MAGI2: variants seen among roughly 807,000 people sequenced by gnomAD.
The protein encoded by MAGI2 is membrane-associated guanylate kinase, WW and PDZ domain-containing protein 2.
A neutral mutation model predicts 133.3 loss-of-function variants in MAGI2; 35 were observed. The observed-to-expected ratio is 0.26, with a 90% CI of 0.20 to 0.35. The LOEUF is 0.35. Ranked by LOEUF, MAGI2 falls within the 10% of genes least tolerant of loss-of-function variation. MAGI2 has a pLI of 1.00. For synonymous variants in MAGI2, 729 were observed against 710.6 expected, an observed-to-expected ratio of 1.03 and a Z score of -0.41; for missense variants, 1,636 against 1,863.4, an observed-to-expected ratio of 0.88 and a Z score of 2.25.
chr7:79,215,985 G>T lies in MAGI2; in HGVS notation c.302-208779C>A, dbSNP rs370395184. ...TGGGTAGAAGTGGGTAGCTCCCCAG[G>T]AACCCCAAGCCTGGAAACCCGCAGC... is the stretch of plus-strand genomic sequence containing the variant. On this transcript the variant is annotated intron_variant, in intron 1 of 21. Transcript: ENST00000354212. 9.9e-5 allele frequency among the ~76,000 whole-genome samples: 15 copies of T among 151,936 alleles called. No individual in the cohort carries two copies. The South Asian group carries it at 3.1e-3, about 31-fold the overall frequency.
intron 2 of MAGI2, among the ~76,000 whole-genome samples, chr7:78,941,474 C>G (rs1800964299): frequency 6.6e-6 from 1 of 152,064 alleles, no homozygotes; most frequent in Admixed American, 6.6e-5. Context: ...CTCAGCCTCT[C>G]GAGTAGCTGG....
At chr7:79,179,424 A>G (rs147981595) in intron 1 of MAGI2, among the ~76,000 whole-genome samples, 2 of 152,174 alleles carry the variant, frequency 1.3e-5, no homozygotes, top group Middle Eastern at 3.4e-3. Flanking sequence ...AGAAAAAACA[A>G]TCATACAATT....
At chr7:79,393,443 C>T (rs898298799) in intron 1 of MAGI2, among the ~76,000 whole-genome samples, 1 of 152,078 alleles carries the variant, frequency 6.6e-6, no homozygotes, top group African/African-American at 2.4e-5. Flanking sequence ...AATTAGAACT[C>T]TATAACATTT....
At chr7:79,188,162 T>C (rs1246440068) in intron 1 of MAGI2, among the ~76,000 whole-genome samples, 2 of 151,950 alleles carry the variant, frequency 1.3e-5, no homozygotes, top group African/African-American at 2.4e-5. Context: ...GATGTGCAGG[T>C]TTGTTACCTA....
At position 78,729,696 on chromosome 7, in the gene MAGI2, T is replaced by C. The variant is rs1251093947; in HGVS notation, c.419-102457A>G. The stretch of plus-strand genomic sequence containing the variant: ...AATTCTAGATAGATGCTTCATACTG[T>C]TTTGTCAGATGCCAGTAAGTGTTTG... On this transcript the variant is annotated intron_variant, in intron 2 of 21. Coordinates refer to ENST00000354212, the MANE Select transcript of MAGI2 (RefSeq NM_012301.4). Among the ~76,000 whole-genome samples, 3 of 152,326 alleles carry C rather than the reference T, an allele frequency of 2.0e-5. No homozygotes were observed. In the East Asian group the frequency reaches 5.8e-4, roughly 29 times the overall value.
chr7:78,400,480 G>A lies in MAGI2; in HGVS notation c.1046-31267C>T, dbSNP rs572731905. Among the ~76,000 whole-genome samples, 26 of 152,106 alleles carry A rather than the reference G, an allele frequency of 1.7e-4. 1 individual carries two copies. The highest frequency in any genetic ancestry group is 7.9e-4 in the Admixed American group (12 of 15,264). On this transcript the variant is annotated intron_variant, in intron 6 of 21. Coordinates refer to ENST00000354212, the MANE Select transcript of MAGI2 (RefSeq NM_012301.4). ...TGATTTTTAAATCATTTGTTATTGG[G>A]ACTTGGGAAATGAATGCAGTGAAAT...
At chr7:78,978,387 A>C (rs528841878) in intron 2 of MAGI2, among the ~76,000 whole-genome samples, 11 of 151,882 alleles carry the variant, frequency 7.2e-5, no homozygotes, top group Non-Finnish European at 1.3e-4. Flanking sequence ...TGAATTGTCA[A>C]CCCATTTTTC....
chr7:78,220,853 GA>G (rs1788753860), intron 10 of MAGI2, among the ~76,000 whole-genome samples: 1 of 152,138 alleles, frequency 6.6e-6, no homozygotes, highest in Non-Finnish European at 1.5e-5. Flanking sequence ...GCTGTGTTAG[GA>G]AAACAAACTT....
At chr7:78,225,095 T>C (rs1880446) in intron 10 of MAGI2, among the ~76,000 whole-genome samples, 124,289 of 152,106 alleles carry the variant, frequency 0.82, 52,558 homozygotes, top group Non-Finnish European at 0.91. Flanking sequence ...CCTGGAGTCT[T>C]TCTTTGGGAT....
chr7:79,227,528 CTCCTTA>C (rs1416342754), intron 1 of MAGI2, among the ~76,000 whole-genome samples: 4 of 152,140 alleles, frequency 2.6e-5, no homozygotes, highest in East Asian at 3.8e-4. Flanking sequence ...ATTTTCTTCA[CTCCTTA>C]TCCTTATCCT....
chr7:78,805,618 A>G (rs193225698), intron 2 of MAGI2, among the ~76,000 whole-genome samples: 234 of 152,302 alleles, frequency 1.5e-3, no homozygotes, highest in Non-Finnish European at 2.6e-3. Context: ...GTTCATTTGC[A>G]CACTGCATAT....
chr7:78,022,739 A>G lies in MAGI2; in HGVS notation c.3707-2763T>C, dbSNP rs1160077473. Among the ~76,000 whole-genome samples, 6 of 152,200 alleles carry G rather than the reference A, an allele frequency of 3.9e-5. No individual in the cohort carries two copies. The East Asian group carries it at 1.2e-3, about 29-fold the overall frequency. ...CAGAAAAATGAAAAAATATTCATCC[A>G]TCCATCATTAGTTGGCTTCAAATTA... On this transcript the variant is annotated intron_variant, in intron 21 of 21. Transcript: ENST00000354212.
chr7:78,645,107 T>C (rs1810721877), intron 2 of MAGI2, among the ~76,000 whole-genome samples: 1 of 151,090 alleles, frequency 6.6e-6, no homozygotes. Flanking sequence ...TGTATATGTG[T>C]GTGCGTGTGT....
intron 2 of MAGI2, among the ~76,000 whole-genome samples, chr7:78,897,968 T>C (rs1797337761): frequency 6.6e-6 from 1 of 152,146 alleles, no homozygotes; most frequent in Non-Finnish European, 1.5e-5. Context: ...ATATCGAGCA[T>C]CTATAAGGAA....
In MAGI2 at chr7:79,017,837, G is replaced by C. The variant is rs530368107; in HGVS notation, c.302-10631C>G. On this transcript the variant is annotated intron_variant, in intron 1 of 21. Coordinates refer to ENST00000354212, the MANE Select transcript of MAGI2 (RefSeq NM_012301.4). ...ACCAAGCTGAGGAAAAAAAGTCACAGCTTGAAGACTGGCTCTCCAAAATAA... is the reference window on the plus strand; with the variant it reads ...ACCAAGCTGAGGAAAAAAAGTCACACCTTGAAGACTGGCTCTCCAAAATAA... Among the ~76,000 whole-genome samples, 158 of 152,232 alleles carry C rather than the reference G, an allele frequency of 1.0e-3. 1 individual carries two copies. Among genetic ancestry groups the C allele is most frequent in the African/African-American group, 3.8e-3 (156 of 41,564 alleles).
At chr7:78,982,044 T>A (rs991723999) in intron 2 of MAGI2, among the ~76,000 whole-genome samples, 8 of 151,822 alleles carry the variant, frequency 5.3e-5, no homozygotes, top group African/African-American at 1.9e-4. Context: ...CAAAACCTGG[T>A]ATTCTTTCCC....
At chr7:79,328,564 C>G (rs893166388) in intron 1 of MAGI2, among the ~76,000 whole-genome samples, 2 of 152,128 alleles carry the variant, frequency 1.3e-5, no homozygotes, top group African/African-American at 4.8e-5. Flanking sequence ...AAAATAACAT[C>G]AAATGCAAAT....
intron 10 of MAGI2, among the ~76,000 whole-genome samples, chr7:78,249,291 G>C (rs1792132016): frequency 6.6e-6 from 1 of 152,120 alleles, no homozygotes; most frequent in Non-Finnish European, 1.5e-5. Flanking sequence ...AGCCATTACA[G>C]AAAACAGTAT....
intron 6 of MAGI2, among the ~76,000 whole-genome samples, chr7:78,388,068 G>C (rs750988697): frequency 6.6e-6 from 1 of 152,122 alleles, no homozygotes; most frequent in East Asian, 1.9e-4. Context: ...TAGGTATTTA[G>C]GTAAGTATAT....
Sources: gnomAD v4.1 joint callset for allele counts (sites outside exome capture counted in the v4.1 genomes callset) on GRCh38, gnomAD v4.1.1 for gene constraint, MANE v1.5 for transcripts, NCBI Gene and HGNC (gene_info 2026-07-23, HGNC 2026-07-21) for gene names.